Variants in GAS2 observed in about 807,000 individuals in gnomAD.
GAS2 encodes growth arrest specific 2.
GAS2 carries 20 observed loss-of-function variants against 37.5 expected under a neutral mutation model. The observed-to-expected ratio is 0.53, with a 90% CI of 0.37 to 0.77. The LOEUF (loss-of-function observed/expected upper bound fraction) is 0.77. GAS2 is among the 30% of genes least tolerant of loss of function. GAS2 has a pLI of 0.00. For missense variants in GAS2, 336 were observed against 373.4 expected, an observed-to-expected ratio of 0.90 and a Z score of 0.82; for synonymous variants, 144 against 132.2, an observed-to-expected ratio of 1.09 and a Z score of -0.61.
chr11:22,661,400 A>G (rs900717579), intron 1 of GAS2, among the ~76,000 whole-genome samples: 3 of 152,204 alleles, frequency 2.0e-5, no homozygotes, highest in East Asian at 1.9e-4. Context: ...GATTTGAAAT[A>G]TAAGGATGAA....
intron 6 of GAS2, among the ~76,000 whole-genome samples, chr11:22,750,559 GA>G (rs911914213): frequency 6.6e-6 from 1 of 151,984 alleles, no homozygotes; most frequent in Non-Finnish European, 1.5e-5. Context: ...TAAAGCTACT[GA>G]AAAGGATTTT....
At chr11:22,636,721 A>G (rs1858826752) in intron 1 of GAS2, among the ~76,000 whole-genome samples, 2 of 151,934 alleles carry the variant, frequency 1.3e-5, no homozygotes, top group Non-Finnish European at 2.9e-5. Context: ...GTGTCAATAG[A>G]TGAACATTAA....
chr11:22,682,396 GA>G (rs1849722272), intron 2 of GAS2, among the ~76,000 whole-genome samples: 1 of 151,896 alleles, frequency 6.6e-6, no homozygotes, highest in Non-Finnish European at 1.5e-5. Context: ...AGAACTTAAT[GA>G]AATAAGAATA....
In GAS2 at chr11:22,778,757, A is replaced by G. The variant is rs1004042024; in HGVS notation, c.723+22804A>G. On this transcript the variant is annotated intron_variant, in intron 7 of 7. Transcript: ENST00000454584. ...TGCCCTCTAGTGTCCTCTATGCCTT[A>G]TTTAATCCTGTTAATAGGCTTTTCC... is the stretch of plus-strand genomic sequence containing the variant. 2.6e-5 allele frequency among the ~76,000 whole-genome samples: 4 copies of G among 152,218 alleles called. No homozygotes were observed. The South Asian group carries it at 8.3e-4, about 31-fold the overall frequency.
intron 2 of GAS2, among the ~76,000 whole-genome samples, chr11:22,676,184 A>T (rs377057303): frequency 6.6e-6 from 1 of 152,172 alleles, no homozygotes; most frequent in South Asian, 2.1e-4. Flanking sequence ...CCCTAGAAAG[A>T]CCCTTCACAG....
intron 7 of GAS2, among the ~76,000 whole-genome samples, chr11:22,772,632 G>GT (rs1855041273): frequency 1.3e-5 from 2 of 152,116 alleles, no homozygotes; most frequent in African/African-American, 4.8e-5. Context: ...TTGTGTGATA[G>GT]TTTTTTGAAG....
intron 7 of GAS2, among the ~76,000 whole-genome samples, chr11:22,804,325 G>A (rs1856797189): frequency 6.6e-6 from 1 of 152,118 alleles, no homozygotes; most frequent in African/African-American, 2.4e-5. Context: ...AGGCAATTCA[G>A]GAGACAGACT....
chr11:22,742,563 A>G (rs1458021439), intron 5 of GAS2, among the ~76,000 whole-genome samples: 1 of 152,142 alleles, frequency 6.6e-6, no homozygotes, highest in Non-Finnish European at 1.5e-5. Context: ...GGCTGACTGT[A>G]CCTTAGGCAG....
upstream of GAS2, among the ~76,000 whole-genome samples, chr11:22,663,488 T>C (rs1263836860): frequency 6.6e-6 from 1 of 152,194 alleles, no homozygotes; most frequent in Admixed American, 6.5e-5. Context: ...ATTTTTAATC[T>C]ATTTCTTATG....
intron 5 of GAS2, among the ~76,000 whole-genome samples, chr11:22,739,592 AAAAAAG>A (rs1852956115): frequency 6.7e-6 from 1 of 149,134 alleles, no homozygotes; most frequent in African/African-American, 2.5e-5. Context: ...AAAAAAAAAA[AAAAAAG>A]AAAGGGGAAG....
intron 5 of GAS2, among the ~76,000 whole-genome samples, chr11:22,744,228 G>C (rs2134259815): frequency 6.6e-6 from 1 of 152,096 alleles, no homozygotes; most frequent in East Asian, 1.9e-4. Flanking sequence ...ATACAAAGAA[G>C]AGCTGGTACC....
intron 1 of GAS2, among the ~76,000 whole-genome samples, chr11:22,669,413 A>G (rs563776435): frequency 3.3e-5 from 5 of 152,320 alleles, no homozygotes; most frequent in African/African-American, 1.2e-4. Context: ...CCCTAACAAC[A>G]TGAAAATATA....
chr11:22,758,652 G>T (rs895845954), intron 7 of GAS2, among the ~76,000 whole-genome samples: 4 of 152,102 alleles, frequency 2.6e-5, no homozygotes, highest in African/African-American at 9.7e-5. Context: ...AGTGGTTTAC[G>T]CCTGTAATCC....
chr11:22,778,822 T>G (rs1222807902), intron 7 of GAS2, among the ~76,000 whole-genome samples: 1 of 152,176 alleles, frequency 6.6e-6, no homozygotes. Flanking sequence ...ATGTGTGCAT[T>G]TGTTCTGTGA....
At chr11:22,787,992 T>C (rs1418340544) in intron 7 of GAS2, among the ~76,000 whole-genome samples, 1 of 152,226 alleles carries the variant, frequency 6.6e-6, no homozygotes, top group Non-Finnish European at 1.5e-5. Context: ...TTGCTTGTCA[T>C]GTAGCTCATC....
intron 2 of GAS2, among the ~76,000 whole-genome samples, chr11:22,680,928 A>G (rs1297627601): frequency 2.6e-5 from 4 of 152,196 alleles, no homozygotes; most frequent in Non-Finnish European, 5.9e-5. Flanking sequence ...TACTTAATCT[A>G]CACATCTGTT....
intron 1 of GAS2, among the ~76,000 whole-genome samples, chr11:22,673,166 CTT>C (rs1315834767): frequency 1.3e-5 from 2 of 152,068 alleles, no homozygotes; most frequent in Admixed American, 6.6e-5. Flanking sequence ...TCCCAACAGT[CTT>C]TTCTATTACT....
intron 7 of GAS2, among the ~76,000 whole-genome samples, chr11:22,771,216 T>G (rs1854965304): frequency 6.6e-6 from 1 of 152,134 alleles, no homozygotes; most frequent in South Asian, 2.1e-4. Flanking sequence ...AATACAATAT[T>G]TGTTATTTTG....
At chr11:22,696,137 C>G (rs1850501764) in intron 3 of GAS2, among the ~76,000 whole-genome samples, 1 of 148,268 alleles carries the variant, frequency 6.7e-6, no homozygotes, top group Admixed American at 6.8e-5. Flanking sequence ...GTTCCCCTTC[C>G]TGTGTCCATG....
Sources: allele counts gnomAD v4.1 joint callset (sites outside exome capture counted in the v4.1 genomes callset), GRCh38; gene constraint gnomAD v4.1.1; transcripts MANE v1.5; gene names NCBI Gene and HGNC (gene_info 2026-07-23, HGNC 2026-07-21).